Variants in AMPH observed in about 807,000 individuals in gnomAD.
AMPH encodes the protein amphiphysin (Stiff-Mann syndrome with breast cancer 128kD autoantigen).
AMPH carries 49 observed loss-of-function variants against 99.1 expected under a neutral mutation model. The observed-to-expected ratio is 0.49, with a 90% confidence interval of 0.39 to 0.63. AMPH has a LOEUF of 0.63. AMPH is among the 20% of genes least tolerant of loss of function. The pLI, the probability that AMPH is intolerant of heterozygous loss-of-function variation, is 0.00. For synonymous variants in AMPH, 314 were observed against 317.3 expected, an observed-to-expected ratio of 0.99 and a Z score of 0.11; for missense variants, 759 against 863.4, an observed-to-expected ratio of 0.88 and a Z score of 1.52.
At chr7:38,550,460 G>A (rs1416970954) in intron 1 of AMPH, among the ~76,000 whole-genome samples, 1 of 152,230 alleles carries the variant, frequency 6.6e-6, no homozygotes, top group African/African-American at 2.4e-5. Context: ...TCAAATTGAA[G>A]CTGTAATGAT....
At chr7:38,595,024 G>A (rs977606223) in intron 1 of AMPH, among the ~76,000 whole-genome samples, 2 of 152,190 alleles carry the variant, frequency 1.3e-5, no homozygotes, top group Non-Finnish European at 2.9e-5. Flanking sequence ...AACACAAACA[G>A]CCTTTGCCCT....
rs762695209 is a variant in AMPH, at chr7:38,394,229, C to A, written c.1399-15G>T. On this transcript the variant is annotated splice_polypyrimidine_tract_variant and intron_variant, in intron 17 of 20. Coordinates refer to ENST00000356264, the MANE Select transcript of AMPH (RefSeq NM_001635.4). Reference sequence around the variant, plus strand: ...CCAGGTATGATCTGCAGGGCAGAAACCAGCAGGCCACGTCTGCATCTCCAT... The same window carrying A: ...CCAGGTATGATCTGCAGGGCAGAAAACAGCAGGCCACGTCTGCATCTCCAT... 1 of 1,613,692 alleles carries A rather than the reference C, an allele frequency of 6.2e-7. No homozygotes were observed. The highest frequency in any genetic ancestry group is 8.5e-7 in the Non-Finnish European group (1 of 1,179,926).
intron 2 of AMPH, among the ~76,000 whole-genome samples, chr7:38,507,399 CTCAG>C (rs1789367208): frequency 6.6e-6 from 1 of 152,122 alleles, no homozygotes; most frequent in Non-Finnish European, 1.5e-5. Context: ...TCATGAATCA[CTCAG>C]TAATAGCCAC....
At chr7:38,591,889 G>T (rs1047969275) in intron 1 of AMPH, among the ~76,000 whole-genome samples, 7 of 152,106 alleles carry the variant, frequency 4.6e-5, no homozygotes, top group Admixed American at 4.6e-4. Context: ...CTTGGTCGTG[G>T]AGACCCTAAC....
chr7:38,495,034 T>C (rs1178782134), intron 3 of AMPH, among the ~76,000 whole-genome samples: 1 of 152,194 alleles, frequency 6.6e-6, no homozygotes, highest in Non-Finnish European at 1.5e-5. Flanking sequence ...TTAAAGTGGT[T>C]AAATGGTTAA....
In AMPH at chr7:38,600,086, C is replaced by T. The variant is rs1324870425; in HGVS notation, c.69+31197G>A. ...GGATTCAGTCCTCGCCAAGAGGTAA[C>T]AAGGTTTTTAAAATACATTTTTATT... On this transcript the variant is annotated intron_variant, in intron 1 of 20. Transcript: ENST00000356264. 3.3e-5 allele frequency among the ~76,000 whole-genome samples: 5 copies of T among 151,948 alleles called. No homozygotes were observed. The South Asian group carries it at 1.0e-3, about 32-fold the overall frequency.
At chr7:38,572,214 A>AT (rs1252278397) in intron 1 of AMPH, among the ~76,000 whole-genome samples, 2 of 151,912 alleles carry the variant, frequency 1.3e-5, no homozygotes, top group African/African-American at 4.8e-5. Context: ...CAGGTGTACC[A>AT]TTTTTTATCT....
At chr7:38,541,808 A>G (rs1790818753) in intron 1 of AMPH, among the ~76,000 whole-genome samples, 1 of 152,218 alleles carries the variant, frequency 6.6e-6, no homozygotes. Flanking sequence ...GGGAATTAGA[A>G]AACTAGGGAG....
At position 38,395,341 on chromosome 7, in the gene AMPH, G is replaced by A. The variant is rs754467612; in HGVS notation, c.1399-1127C>T. ...CAAATAGCTGTAGAGCCTGTTATAG[G>A]CAAAATGCCAAAATCATAGTTTAGG... is the stretch of plus-strand genomic sequence containing the variant. On this transcript the variant is annotated intron_variant, in intron 17 of 20. Transcript: ENST00000356264. 4.6e-5 allele frequency among the ~76,000 whole-genome samples: 7 copies of A among 152,256 alleles called. No homozygotes were observed. The South Asian group carries it at 1.2e-3, about 27-fold the overall frequency.
At chr7:38,473,932 G>C (rs879466097) in intron 7 of AMPH, among the ~76,000 whole-genome samples, 5 of 151,866 alleles carry the variant, frequency 3.3e-5, no homozygotes, top group Admixed American at 1.3e-4. Flanking sequence ...ATCCTCTCTG[G>C]GGGAGAGAAG....
chr7:38,483,035 C>T (rs1788350852), intron 5 of AMPH, among the ~76,000 whole-genome samples: 1 of 152,054 alleles, frequency 6.6e-6, no homozygotes, highest in African/African-American at 2.4e-5. Flanking sequence ...AAAAGGGGAG[C>T]TACATTCTTG....
chr7:38,590,694 A>C (rs576155253), intron 1 of AMPH, among the ~76,000 whole-genome samples: 8 of 152,228 alleles, frequency 5.3e-5, no homozygotes, highest in Admixed American at 3.3e-4. Context: ...CTGAGTTACA[A>C]GCTCCGTGTT....
intron 13 of AMPH, among the ~76,000 whole-genome samples, chr7:38,431,383 C>T (rs1008744510): frequency 7.9e-5 from 12 of 152,208 alleles, no homozygotes; most frequent in African/African-American, 2.6e-4. Flanking sequence ...TCAGGCTGGC[C>T]GCAGTGGCTC....
At chr7:38,396,720 C>T (rs915038539) in intron 17 of AMPH, among the ~76,000 whole-genome samples, 2 of 152,074 alleles carry the variant, frequency 1.3e-5, no homozygotes, top group Admixed American at 1.3e-4. Context: ...AAATAAGCAC[C>T]GACCTTTTTA....
chr7:38,451,659 CTG>C (rs369154702), intron 11 of AMPH, among the ~76,000 whole-genome samples: 9 of 152,074 alleles, frequency 5.9e-5, no homozygotes, highest in African/African-American at 2.2e-4. Flanking sequence ...CCGATGTAAA[CTG>C]TGAAAAATCA....
chr7:38,556,094 G>A (rs6462849), intron 1 of AMPH, among the ~76,000 whole-genome samples: 92,100 of 151,672 alleles, frequency 0.61, 28,208 homozygotes, highest in Middle Eastern at 0.65. Flanking sequence ...TACCCCCTGA[G>A]TCTAAAATAA....
At chr7:38,505,457 T>A (rs1265886249) in intron 2 of AMPH, among the ~76,000 whole-genome samples, 1 of 152,184 alleles carries the variant, frequency 6.6e-6, no homozygotes, top group East Asian at 1.9e-4. Flanking sequence ...CTATTCAGAA[T>A]GGCAAAGCAG....
intron 17 of AMPH, among the ~76,000 whole-genome samples, chr7:38,404,913 T>C (rs978908375): frequency 7.3e-5 from 11 of 151,592 alleles, no homozygotes; most frequent in Non-Finnish European, 8.8e-5. Context: ...ATCAACAGAG[T>C]ATCCAAGATC....
intron 1 of AMPH, among the ~76,000 whole-genome samples, chr7:38,594,746 G>A (rs1455697219): frequency 6.6e-6 from 1 of 152,004 alleles, no homozygotes; most frequent in African/African-American, 2.4e-5. Flanking sequence ...AAAAAACTAT[G>A]GGCCAAACAA....
Sources: allele counts gnomAD v4.1 joint callset (sites outside exome capture counted in the v4.1 genomes callset), GRCh38; gene constraint gnomAD v4.1.1; transcripts MANE v1.5; gene names NCBI Gene and HGNC (gene_info 2026-07-23, HGNC 2026-07-21).